Variants in FRY observed in about 807,000 individuals in gnomAD.
FRY encodes FRY microtubule binding protein.
Under a neutral mutation model 348.4 loss-of-function variants are expected in FRY, and 128 were observed. The ratio of observed to expected loss-of-function variants is 0.37; its 90% CI spans 0.32 to 0.43. FRY has a LOEUF of 0.43. FRY is among the 20% of genes least tolerant of loss of function. FRY has a pLI of 1.00. For synonymous variants in FRY, 1,370 were observed against 1,374.7 expected (o/e 1.00, Z 0.08); for missense variants, 2,736 against 3,695.2 (o/e 0.74, Z 6.73).
Position 32,239,260 on chromosome 13 carries a change from C to G in FRY, c.6427C>G (p.Leu2143Val). 2 of 1,596,566 alleles carry G rather than the reference C, an allele frequency of 1.3e-6. No homozygotes were observed. Among genetic ancestry groups the G allele is most frequent in the Non-Finnish European group, 1.7e-6 (2 of 1,163,972 alleles). ...TATCTTCTCTAATCCAGGGTTTCCA[C>G]TGAATGTCTTGTGTCTCCTGCCTCA... ...VDASHAIGFP[L>V]NVLCLLPQLI... Residue 2143 changes from leucine to valine, a missense_variant, in exon 45 of 61, where the codon CTG becomes GTG. Physicochemically the swap from Leu to Val is conservative, Grantham distance 32. Around this residue, in one of 9 missense-constraint regions of FRY, gnomAD observed 789 missense variants for 996.2 expected, o/e 0.79. Coordinates refer to ENST00000542859, the MANE Select transcript of FRY (RefSeq NM_023037.3). The surrounding 1 kb of genome is among the most constrained non-coding windows in gnomAD (Gnocchi z 4.3).
Position 32,225,811 on chromosome 13 carries a change from A to G in FRY, c.5043A>G (p.Glu1681=). 1 of 1,614,050 alleles carries G rather than the reference A, an allele frequency of 6.2e-7. No individual in the cohort carries two copies. Among genetic ancestry groups the G allele is most frequent in the Non-Finnish European group, 8.5e-7 (1 of 1,179,890 alleles). ...VFLGLDHYRP[E]VFEHSKKLLL... ...CAGGTTTAGACCACTACCGGCCTGA[A>G]GTCTTTGAACACAGCAAAAAACTGC... Residue 1681 remains glutamate (E), a synonymous_variant, in exon 39 of 61, where the codon GAA becomes GAG. Transcript: ENST00000542859.
intron 1 of FRY, among the ~76,000 whole-genome samples, chr13:32,037,954 C>G (rs1175405667): frequency 6.6e-6 from 1 of 152,158 alleles, no homozygotes; most frequent in Non-Finnish European, 1.5e-5. Context: ...GTTCTGTAGA[C>G]TAATAGACAA....
intron 51 of FRY, among the ~76,000 whole-genome samples, chr13:32,254,743 G>A (rs1416884476): frequency 6.6e-6 from 1 of 152,080 alleles, no homozygotes; most frequent in Non-Finnish European, 1.5e-5. Context: ...CTGGTACCTG[G>A]GTAAAATATG....
Position 32,298,809 on chromosome 13 carries a change from A to G in FRY, c.*3349A>G, listed in dbSNP as rs2072102565. 1 of 152,282 alleles carries G rather than the reference A, an allele frequency of 6.6e-6. No homozygotes were observed. The highest frequency in any genetic ancestry group is 2.1e-4 in the South Asian group (1 of 4,832). The allele number at this position is 152,282 out of a possible 1,614,324, so 9.4% of individuals were successfully genotyped here. A position where few individuals can be genotyped will look rare whatever the true frequency, so the allele number is the denominator to read the frequency against. On this transcript the variant is annotated 3_prime_UTR_variant, in exon 61 of 61. Coordinates refer to ENST00000542859, the MANE Select transcript of FRY (RefSeq NM_023037.3). ...TTGTCAAAGGGACAGCAAGGAAGCC[A>G]ATGACCGGGTGAAATGAGTGAAGAG...
chr13:32,240,665 C>T (rs1886453853), intron 46 of FRY, among the ~76,000 whole-genome samples: 2 of 152,306 alleles, frequency 1.3e-5, no homozygotes, highest in South Asian at 4.1e-4. Flanking sequence ...AAGTTTATTA[C>T]ACAAGGTCAT....
At chr13:32,099,581 A>G (rs185997829) in intron 2 of FRY, among the ~76,000 whole-genome samples, 3 of 152,206 alleles carry the variant, frequency 2.0e-5, no homozygotes, top group African/African-American at 4.8e-5. Context: ...TAAAAGCTCT[A>G]TTTCCTTTGT....
intron 1 of FRY, among the ~76,000 whole-genome samples, chr13:32,070,727 T>A (rs539653771): frequency 6.6e-6 from 1 of 152,210 alleles, no homozygotes; most frequent in South Asian, 2.1e-4. Flanking sequence ...TAGATCCCAT[T>A]TGTCTATTTT....
intron 58 of FRY, 62 bp downstream of exon 58, chr13:32,278,610 C>A: frequency 1.1e-6 from 1 of 923,934 alleles, no homozygotes; most frequent in South Asian, 1.3e-5. Context: ...TAGTTTTGGT[C>A]TACCCAAGAA....
chr13:32,223,044 C>G (rs1196694271), intron 36 of FRY, among the ~76,000 whole-genome samples: 1 of 152,070 alleles, frequency 6.6e-6, no homozygotes, highest in Non-Finnish European at 1.5e-5. Flanking sequence ...ACCTCCACAT[C>G]CTGGGTTCAA....
chr13:32,260,936 C>A (rs1887606348), intron 51 of FRY, among the ~76,000 whole-genome samples: 3 of 152,234 alleles, frequency 2.0e-5, no homozygotes, highest in Admixed American at 6.5e-5. Flanking sequence ...CAAGGCCAGT[C>A]TGGCCAACAT....
intron 53 of FRY, among the ~76,000 whole-genome samples, chr13:32,262,705 G>A (rs374620820): frequency 6.6e-5 from 10 of 152,292 alleles, no homozygotes; most frequent in South Asian, 6.2e-4. Context: ...GACTTGATTT[G>A]AGGTCTTTTT....
At chr13:32,222,294 A>G (rs539341496) in intron 36 of FRY, among the ~76,000 whole-genome samples, 1 of 152,258 alleles carries the variant, frequency 6.6e-6, no homozygotes, top group South Asian at 2.1e-4. Context: ...ATAAGCCAGG[A>G]GAGGAACATG....
intron 46 of FRY, among the ~76,000 whole-genome samples, chr13:32,241,173 G>C (rs968835874): frequency 1.2e-4 from 18 of 152,172 alleles, no homozygotes; most frequent in African/African-American, 4.3e-4. Context: ...TGAGAGAACT[G>C]ATTTGTTCTG....
At chr13:32,272,736 T>G (rs1457577710) in intron 55 of FRY, among the ~76,000 whole-genome samples, 2 of 151,910 alleles carry the variant, frequency 1.3e-5, no homozygotes, top group African/African-American at 2.4e-5. Context: ...TTTGTTTTGG[T>G]TTTTGTTGGT....
intron 1 of FRY, among the ~76,000 whole-genome samples, chr13:32,035,285 A>T (rs1055252598): frequency 6.6e-5 from 10 of 152,098 alleles, no homozygotes; most frequent in African/African-American, 2.4e-4. Flanking sequence ...TTAGTTGGTT[A>T]TTTTGGGCTG....
Position 32,298,002 on chromosome 13 carries a change from T to C in FRY, c.*2542T>C, listed in dbSNP as rs1043295760. 12 of 152,184 alleles carry C rather than the reference T, an allele frequency of 7.9e-5. No individual in the cohort carries two copies. The highest frequency in any genetic ancestry group is 1.9e-4 in the African/African-American group (8 of 41,442). 9.4% of individuals were successfully genotyped at this position (152,184 alleles called of 1,614,324 possible). ...TGATTAAAATTATAGTCTCCAAATA[T>C]AGTGTTTTAGAAAAGGCACTGCACA... On this transcript the variant is annotated 3_prime_UTR_variant, in exon 61 of 61. Coordinates refer to ENST00000542859, the MANE Select transcript of FRY (RefSeq NM_023037.3).
chr13:32,144,129 A>T (rs1468571404), intron 11 of FRY, among the ~76,000 whole-genome samples: 3 of 151,932 alleles, frequency 2.0e-5, no homozygotes, highest in South Asian at 2.1e-4. Context: ...TTTTAAATGC[A>T]GCTTTACTAG....
rs773628581 is a variant in FRY, at chr13:32,185,106, C to T, written c.3277C>T (p.His1093Tyr). 7.4e-6 allele frequency: 12 copies of T among 1,613,970 alleles called. No individual in the cohort carries two copies. The highest frequency in any genetic ancestry group is 1.6e-4 in the Middle Eastern group (1 of 6,084). Residue 1093 changes from histidine to tyrosine, a missense_variant, in exon 26 of 61, where the codon CAT becomes TAT. Physicochemically the swap from His to Tyr is moderately conservative, Grantham distance 83. Transcript: ENST00000542859. ...TGAAATTCTTAAAGATATCCGGGCA[C>T]ATTTTAGTGCAATGGTGGCCAACTT... is the stretch of plus-strand genomic sequence containing the variant. Reference protein sequence around the residue: ...EVEILKDIRAHFSAMVANLIQ... With the variant: ...EVEILKDIRAYFSAMVANLIQ...
intron 34 of FRY, among the ~76,000 whole-genome samples, chr13:32,211,831 T>A (rs1884704613): frequency 6.6e-6 from 1 of 152,194 alleles, no homozygotes; most frequent in African/African-American, 2.4e-5. Context: ...TCCCTGAGTC[T>A]ACTGTCTCCT....
Sources: allele counts gnomAD v4.1 joint callset (sites outside exome capture counted in the v4.1 genomes callset), GRCh38; gene constraint gnomAD v4.1.1; regional missense constraint gnomAD v4.1.1; non-coding constraint Gnocchi (gnomAD v3.1); transcripts MANE v1.5; gene names NCBI Gene and HGNC (gene_info 2026-07-23, HGNC 2026-07-21).